LIG4: variants seen among roughly 807,000 people sequenced by gnomAD.
The protein encoded by LIG4 is DNA ligase 4, also known as DNA joinase.
A neutral mutation model predicts 19.0 loss-of-function variants in LIG4; 13 were observed. The observed-to-expected ratio is 0.68, with a 90% CI of 0.44 to 1.09. The LOEUF (loss-of-function observed/expected upper bound fraction) is 1.09. Among genes scored for constraint, LIG4 ranks in the 50% least tolerant of loss-of-function variants. The probability of loss-of-function intolerance (pLI) is 0.00; values close to 1 mark genes in which losing one functional copy is unlikely to be tolerated. For synonymous variants in LIG4, 361 were observed against 358.2 expected (o/e 1.01, Z -0.09); for missense variants, 1,026 against 1,089.7 (o/e 0.94, Z 0.82).
rs1217389872 is a variant in LIG4 at position 108,209,241 on chromosome 13, A to G, written c.2028T>C (p.Pro676=). 1 of 1,614,066 alleles carries G rather than the reference A, an allele frequency of 6.2e-7. No individual in the cohort carries two copies. Among genetic ancestry groups the G allele is most frequent in the Non-Finnish European group, 8.5e-7 (1 of 1,180,026 alleles). The part of the protein sequence containing the change: ...VMSGTDSQPK[P]DLENRIAEFG... ...ATTCTGCAATTCTGTTCTCCAGGTCAGGCTTTGGCTGGCTATCTGTTCCAC... is the reference window on the plus strand; with the variant it reads ...ATTCTGCAATTCTGTTCTCCAGGTCGGGCTTTGGCTGGCTATCTGTTCCAC... The change falls in exon 3 of 3, where the codon CCT becomes CCC. Residue 676 remains proline, a synonymous_variant. Coordinates refer to ENST00000442234, the MANE Select transcript of LIG4 (RefSeq NM_206937.2).
intron 2 of LIG4, among the ~76,000 whole-genome samples, chr13:108,212,866 G>A (rs1878813708): frequency 6.6e-6 from 1 of 152,002 alleles, no homozygotes; most frequent in Admixed American, 6.6e-5. Context: ...AACACCTAGA[G>A]TTGACTCCTG....
Position 108,209,544 on chromosome 13 carries a change from G to A in LIG4, c.1725C>T (p.Thr575=). ...VPSDMYKTGC[T]LRFPRIEKIR... is the part of the protein sequence containing the mutation. Reference sequence around the variant, plus strand: ...TCTTTTCAATTCGTGGAAAACGCAAGGTGCAGCCAGTTTTATACATATCAC... The same window carrying A: ...TCTTTTCAATTCGTGGAAAACGCAAAGTGCAGCCAGTTTTATACATATCAC... Residue 575 remains threonine (T), a synonymous_variant, in exon 3 of 3, where the codon ACC becomes ACT. Transcript: ENST00000442234. 3 of 1,614,104 alleles carry A rather than the reference G, an allele frequency of 1.9e-6. No individual in the cohort carries two copies. The highest frequency in any genetic ancestry group is 2.5e-6 in the Non-Finnish European group (3 of 1,180,026).
intron 2 of LIG4, among the ~76,000 whole-genome samples, chr13:108,214,170 GA>G (rs367909535): frequency 3.9e-5 from 6 of 152,186 alleles, no homozygotes; most frequent in East Asian, 1.9e-4. Context: ...AAAGAGAGAG[GA>G]AAAAAAGGAG....
chr13:108,213,191 T>G (rs1792049613), intron 2 of LIG4, among the ~76,000 whole-genome samples: 1 of 152,204 alleles, frequency 6.6e-6, no homozygotes, highest in Non-Finnish European at 1.5e-5. Flanking sequence ...TTTGCATAAC[T>G]GACTGTAACA....
In LIG4 at chr13:108,210,001, T is replaced by C. The variant is rs775182927; in HGVS notation, c.1268A>G (p.Asp423Gly). 6.2e-7 allele frequency: 1 copy of C among 1,612,358 alleles called. No individual in the cohort carries two copies. The highest frequency in any genetic ancestry group is 8.5e-7 in the Non-Finnish European group (1 of 1,179,996). ...TACCATAATTCCCTCTTCTCTTTTATCTATTGCTTCATTCAATGCATCAAT... is the reference window on the plus strand; with the variant it reads ...TACCATAATTCCCTCTTCTCTTTTACCTATTGCTTCATTCAATGCATCAAT... ...EVIDALNEAI[D>G]KREEGIMVKQ... is the part of the protein sequence containing the mutation. The change falls in exon 3 of 3, where the codon GAT becomes GGT. Residue 423 changes from aspartate (D) to glycine (G), a missense_variant. Transcript: ENST00000442234.
intron 2 of LIG4, among the ~76,000 whole-genome samples, chr13:108,211,691 G>A (rs1302324885): frequency 6.6e-6 from 1 of 152,178 alleles, no homozygotes; most frequent in African/African-American, 2.4e-5. Flanking sequence ...TCTGAGGGAA[G>A]GCCTTTCATG....
chr13:108,215,120 G>A (rs3093738), intron 1 of LIG4, among the ~76,000 whole-genome samples: 2,385 of 31,724 alleles, frequency 0.075, 77 homozygotes, highest in East Asian at 0.14. Flanking sequence ...CGTAAACCCC[G>A]CCTGACACCT....
upstream of LIG4, among the ~76,000 whole-genome samples, chr13:108,217,358 A>G (rs543405829): frequency 4.7e-4 from 71 of 152,348 alleles, 1 homozygote; most frequent in Non-Finnish European, 8.8e-4. Flanking sequence ...TCTACTGAAG[A>G]AAAATACAAA....
rs562040248 is a variant in LIG4, at chr13:108,210,970, G to C, written c.299C>G (p.Pro100Arg). Residue 100 changes from proline (P) to arginine (R), a missense_variant, in exon 3 of 3, where the codon CCT becomes CGT. Physicochemically the swap from Pro to Arg is moderately radical, Grantham distance 103 (BLOSUM62 -2). Around this residue, in one of 3 missense-constraint regions of LIG4, gnomAD observed 493 missense variants for 544.5 expected, o/e 0.91. Coordinates refer to ENST00000442234, the MANE Select transcript of LIG4 (RefSeq NM_206937.2). ...TTTGAGGGCATCTTTTCCATCTCTA[G>C]GTAAATTAAGCAACTCAATATAAAG... Reference protein sequence around the residue: ...AKLYIELLNLPRDGKDALKLL... With the variant: ...AKLYIELLNLRRDGKDALKLL... 1 of 1,612,854 alleles carries C rather than the reference G, an allele frequency of 6.2e-7. No homozygotes were observed. The highest frequency in any genetic ancestry group is 1.3e-5 in the African/African-American group (1 of 74,906).
intron 2 of LIG4, among the ~76,000 whole-genome samples, chr13:108,214,203 G>A (rs1198501211): frequency 2.0e-5 from 3 of 152,278 alleles, no homozygotes; most frequent in East Asian, 3.9e-4. Context: ...TGCAACTGAA[G>A]TATCCTTCAT....
At chr13:108,215,425 CACCCCAACCCCCCCCA>C (rs1372768500) in intron 1 of LIG4, 43 bp downstream of exon 1, 1 of 13,614 alleles carries the variant, frequency 7.3e-5, no homozygotes, top group Non-Finnish European at 1.8e-4. Context: ...CCACCCCCCC[CACCCCAACCCCCCCCA>C]ACCTCCCAAC....
chr13:108,210,512 T>C lies in LIG4; in HGVS notation c.757A>G (p.Ile253Val), dbSNP rs778710265. The change falls in exon 3 of 3, where the codon ATT becomes GTT. Residue 253 changes from isoleucine (I) to valine (V), a missense_variant. Ile to Val is a conservative substitution (Grantham distance 29). Coordinates refer to ENST00000442234, the MANE Select transcript of LIG4 (RefSeq NM_206937.2). ...FSAFKPMLAA[I>V]ADIEHIEKDM... ...TTCTCAATGTGCTCAATATCTGCAA[T>C]AGCAGCTAGCATTGGTTTAAATGCA... 3 of 1,612,792 alleles carry C rather than the reference T, an allele frequency of 1.9e-6. No homozygotes were observed. Among genetic ancestry groups the C allele is most frequent in the South Asian group, 1.1e-5 (1 of 91,074 alleles).
chr13:108,211,539 T>C (rs1878668028), intron 2 of LIG4, among the ~76,000 whole-genome samples: 1 of 152,210 alleles, frequency 6.6e-6, no homozygotes, highest in African/African-American at 2.4e-5. Flanking sequence ...TTTCCTGTAT[T>C]TATAATACAG....
At chr13:108,212,535 G>A (rs1238333397) in intron 2 of LIG4, among the ~76,000 whole-genome samples, 6 of 152,034 alleles carry the variant, frequency 3.9e-5, no homozygotes, top group Non-Finnish European at 7.4e-5. Flanking sequence ...TCCATGAATA[G>A]AAACTATGTT....
At chr13:108,216,815 T>C (rs36219966), upstream of LIG4, among the ~76,000 whole-genome samples, 4,663 of 152,274 alleles carry the variant, frequency 0.031, 240 homozygotes, top group African/African-American at 0.11. Flanking sequence ...AGAAGAACCA[T>C]GAATTATGAA....
In LIG4 at chr13:108,210,368, G is replaced by T; in HGVS notation, c.901C>A (p.Gln301Lys). 2 of 1,613,898 alleles carry T rather than the reference G, an allele frequency of 1.2e-6. No homozygotes were observed. Among genetic ancestry groups the T allele is most frequent in the Non-Finnish European group, 1.7e-6 (2 of 1,179,954 alleles). Residue 301 changes from glutamine (Q) to lysine (K), a missense_variant, in exon 3 of 3, where the codon CAG becomes AAG. By Grantham distance (53) the Gln-to-Lys change is moderately conservative (BLOSUM62 1). This residue lies in a region of LIG4 where 493 missense variants were observed against 544.5 expected (regional missense o/e 0.91). Coordinates refer to ENST00000442234, the MANE Select transcript of LIG4 (RefSeq NM_206937.2). ...CCTTCAGTAGGAGAAGCACCAAACT[G>T]ATCAGTGTAGTTATATCCATTTCGA... ...FSRNGYNYTD[Q>K]FGASPTEGSL...
intron 1 of LIG4, among the ~76,000 whole-genome samples, chr13:108,215,256 C>A (rs1336412713): frequency 1.8e-5 from 1 of 54,280 alleles, no homozygotes; most frequent in Non-Finnish European, 3.6e-5. Context: ...CCCCACAGAC[C>A]CCCAACGTGA....
At chr13:108,216,400 C>G (rs1879292611), upstream of LIG4, among the ~76,000 whole-genome samples, 1 of 152,104 alleles carries the variant, frequency 6.6e-6, no homozygotes, top group Non-Finnish European at 1.5e-5. Context: ...CTGCAGTGGG[C>G]CCTGATAAAA....
upstream of LIG4, among the ~76,000 whole-genome samples, chr13:108,217,160 C>T (rs1185405917): frequency 6.6e-6 from 1 of 152,136 alleles, no homozygotes. Context: ...GAGCGGATCA[C>T]TTGAGGTCAG....
Sources: allele counts gnomAD v4.1 joint callset (sites outside exome capture counted in the v4.1 genomes callset), GRCh38; gene constraint gnomAD v4.1.1; regional missense constraint gnomAD v4.1.1; transcripts MANE v1.5; gene names NCBI Gene and HGNC (gene_info 2026-07-23, HGNC 2026-07-21).